PRRC2B: variants seen among roughly 807,000 people sequenced by gnomAD.
The protein encoded by PRRC2B is protein PRRC2B.
A neutral mutation model predicts 242.3 loss-of-function variants in PRRC2B; 68 were observed. The observed-to-expected ratio is 0.28, with a 90% confidence interval of 0.23 to 0.34. The LOEUF (loss-of-function observed/expected upper bound fraction) is 0.34, where lower values mean the gene tolerates loss of function less well. PRRC2B is among the 10% of genes least tolerant of loss of function. The pLI is 1.00. For missense variants in PRRC2B, 2,835 were observed against 2,954.8 expected (o/e 0.96, Z 0.94); for synonymous variants, 1,228 against 1,173.6 (o/e 1.05, Z -0.95).
chr9:131,480,745 C>G (rs888894006), intron 19 of PRRC2B, among the ~76,000 whole-genome samples: 1 of 152,024 alleles, frequency 6.6e-6, no homozygotes, highest in East Asian at 1.9e-4. Flanking sequence ...GCCCCCACCC[C>G]CTGCTAGCAT....
At chr9:131,490,541 C>T (rs761856754) in intron 28 of PRRC2B, 5 of 519,012 alleles carry the variant, frequency 9.6e-6, no homozygotes, top group Admixed American at 3.9e-5. Context: ...GACTCAATAG[C>T]AGGGAGATGA....
intron 9 of PRRC2B, among the ~76,000 whole-genome samples, chr9:131,451,934 A>G (rs958945668): frequency 2.6e-5 from 4 of 151,802 alleles, no homozygotes; most frequent in Admixed American, 1.3e-4. Flanking sequence ...CCTAGACTCA[A>G]TTTGTTAATA....
At chr9:131,414,728 C>T (rs1213447346) in intron 1 of PRRC2B, among the ~76,000 whole-genome samples, 4 of 151,896 alleles carry the variant, frequency 2.6e-5, no homozygotes, top group African/African-American at 4.8e-5. Flanking sequence ...TGCCACCACG[C>T]CCAACTGATT....
intron 2 of PRRC2B, among the ~76,000 whole-genome samples, chr9:131,430,536 TATAGATATCTATAG>T (rs1838117691): frequency 1.4e-5 from 2 of 143,250 alleles, no homozygotes; most frequent in Non-Finnish European, 3.1e-5. Flanking sequence ...GATATCTATC[TATAGATATCTATAG>T]GTGTGTGTGT....
chr9:131,492,955 C>T (rs933856990), intron 30 of PRRC2B, among the ~76,000 whole-genome samples: 1 of 152,174 alleles, frequency 6.6e-6, no homozygotes, highest in African/African-American at 2.4e-5. Flanking sequence ...CCTGAGACCC[C>T]TCTGTGTTTA....
chr9:131,460,400 T>C (rs1171387072), intron 11 of PRRC2B, among the ~76,000 whole-genome samples: 2 of 152,194 alleles, frequency 1.3e-5, no homozygotes, highest in Non-Finnish European at 2.9e-5. Flanking sequence ...TCATCATCTT[T>C]CTTGTGAAGA....
In PRRC2B at chr9:131,418,459, C is replaced by A. The variant is rs551522217; in HGVS notation, c.-51-11635C>A. On this transcript the variant is annotated intron_variant, in intron 1 of 31. Transcript: ENST00000683519. ...ACCAATCTTGGTTTTTTTTACCCCCCTGTGTTTTTTTCTGTGAGTCTCTGT... is the reference window on the plus strand; with the variant it reads ...ACCAATCTTGGTTTTTTTTACCCCCATGTGTTTTTTTCTGTGAGTCTCTGT... Among the ~76,000 whole-genome samples, 3 of 152,246 alleles carry A rather than the reference C, an allele frequency of 2.0e-5. No individual in the cohort carries two copies. The East Asian group carries it at 5.8e-4, about 29-fold the overall frequency.
rs1588278320 is a variant in PRRC2B, at chr9:131,482,253, C to A, written c.4984-118C>A. 1 of 1,158,430 alleles carries A rather than the reference C, an allele frequency of 8.6e-7. No homozygotes were observed. The highest frequency in any genetic ancestry group is 2.4e-5 in the East Asian group (1 of 41,772). The allele number at this position is 1,158,430 out of a possible 1,614,324, so 71.8% of individuals were successfully genotyped here. On this transcript the variant is annotated intron_variant, in intron 20 of 31. Transcript: ENST00000683519. This position sits in a 1 kb window ranked among gnomAD's most constrained non-coding sequence, Gnocchi z 5.2. ...AGCAGGGCAGGATCAAGATCAGGAC[C>A]AGACTTGGCAAGGGACAGGCAGCTG... is the stretch of plus-strand genomic sequence containing the variant.
At chr9:131,476,558 C>T (rs770871153) in intron 16 of PRRC2B, 23 bp downstream of exon 16, 16 of 1,550,136 alleles carry the variant, frequency 1.0e-5, no homozygotes, top group Non-Finnish European at 1.3e-5. Context: ...ACCATCTGGG[C>T]CCTTTTTGTT....
intron 2 of PRRC2B, 51 bp from the exon 3 acceptor site, chr9:131,432,566 C>T (rs1838213162): frequency 5.2e-6 from 8 of 1,548,478 alleles, no homozygotes; most frequent in Non-Finnish European, 7.0e-6. Context: ...AGGCTTCTTT[C>T]CTTCTGTGAC....
At chr9:131,438,913 A>C in intron 4 of PRRC2B, 76 bp from the exon 5 acceptor site, 1 of 1,166,178 alleles carries the variant, frequency 8.6e-7, no homozygotes, top group Non-Finnish European at 1.3e-6. Context: ...GCCTCTCAGC[A>C]CCTTGTTGTA....
In PRRC2B at chr9:131,446,609, C is replaced by T. The variant is rs369431283; in HGVS notation, c.822C>T (p.His274=). The T allele has an allele frequency of 2.3e-5, 37 of 1,613,834 alleles. No individual in the cohort carries two copies. In the African/African-American group the frequency reaches 4.4e-4, roughly 19 times the overall value. ...GASQFMGNVY[H]PPTYHDMLPA... is the part of the protein sequence containing the mutation. ...CACAGTTCATGGGAAATGTATACCA[C>T]CCACCTACATACCATGACATGCTTC... Residue 274 remains histidine (H), a synonymous_variant, in exon 7 of 32, where the codon CAC becomes CAT. Transcript: ENST00000683519. This position sits in a 1 kb window ranked among gnomAD's most constrained non-coding sequence, Gnocchi z 4.1.
chr9:131,394,688 C>T (rs1200562664), intron 1 of PRRC2B, among the ~76,000 whole-genome samples: 2 of 151,624 alleles, frequency 1.3e-5, no homozygotes, highest in Admixed American at 6.6e-5. Flanking sequence ...CCCCGCCCCG[C>T]CCAATTGACG....
At chr9:131,420,243 G>A (rs1390450721) in intron 1 of PRRC2B, among the ~76,000 whole-genome samples, 1 of 151,820 alleles carries the variant, frequency 6.6e-6, no homozygotes, top group Non-Finnish European at 1.5e-5. Context: ...TTATTTTCAG[G>A]CTGTTTATTC....
Position 131,494,626 on chromosome 9 carries a change from G to A in PRRC2B, c.6555+140G>A, listed in dbSNP as rs1455352814. The A allele has an allele frequency of 4.2e-5, 24 of 564,714 alleles. No individual in the cohort carries two copies. The highest frequency in any genetic ancestry group is 6.0e-5 in the Non-Finnish European group (19 of 318,824). 35.0% of individuals were successfully genotyped at this position (564,714 alleles called of 1,614,324 possible). ...GCCCTAGCGGTTAGAGCACAGAACC[G>A]GGAGCTGGGCCGCCCGCGTCCCTCC... On this transcript the variant is annotated intron_variant, in intron 31 of 31. Coordinates refer to ENST00000683519, the MANE Select transcript of PRRC2B (RefSeq NM_013318.4). This position sits in a 1 kb window ranked among gnomAD's most constrained non-coding sequence, Gnocchi z 4.3.
At position 131,487,408 on chromosome 9, in the gene PRRC2B, C is replaced by CGGGGTGGGGG; in HGVS notation, c.5984+118_5984+119insTGGGGGGGGG. 1 of 410,072 alleles carries CGGGGTGGGGG rather than the reference C, an allele frequency of 2.4e-6. No individual in the cohort carries two copies. Among genetic ancestry groups the CGGGGTGGGGG allele is most frequent in the African/African-American group, 2.1e-5 (1 of 46,888 alleles). The allele number at this position is 410,072 out of a possible 1,614,324, so 25.4% of individuals were successfully genotyped here. A position where few individuals can be genotyped will look rare whatever the true frequency, so the allele number is the denominator to read the frequency against. On this transcript the variant is annotated intron_variant, in intron 27 of 31. Transcript: ENST00000683519. This position sits in a 1 kb window ranked among gnomAD's most constrained non-coding sequence, Gnocchi z 5.3. The stretch of plus-strand genomic sequence containing the variant: ...CTTGTCTGCTTTGGGGCCAGTGGGG[C>CGGGGTGGGGG]GGGGAGGGGTGGGAGTTTGCTCTGA...
intron 11 of PRRC2B, among the ~76,000 whole-genome samples, chr9:131,464,098 T>C (rs1269970186): frequency 6.6e-6 from 1 of 152,060 alleles, no homozygotes; most frequent in African/African-American, 2.4e-5. Flanking sequence ...CACTCCGCCA[T>C]GCCCAGCTAA....
At chr9:131,436,852 A>G (rs1283318791) in intron 4 of PRRC2B, 130 bp downstream of exon 4, 1 of 685,546 alleles carries the variant, frequency 1.5e-6, no homozygotes, top group Admixed American at 2.9e-5. Flanking sequence ...CCAGAGGCAC[A>G]CCCGATGAGT....
intron 26 of PRRC2B, chr9:131,486,395 C>G (rs1944026000): frequency 1.4e-6 from 1 of 721,594 alleles, no homozygotes; most frequent in Non-Finnish European, 1.7e-6. Context: ...CTGCTCCAGA[C>G]TCTGCTTAGT....
Sources: gnomAD v4.1 joint callset for allele counts (sites outside exome capture counted in the v4.1 genomes callset) on GRCh38, gnomAD v4.1.1 for gene constraint, Gnocchi (gnomAD v3.1) non-coding constraint, MANE v1.5 for transcripts, NCBI Gene and HGNC (gene_info 2026-07-23, HGNC 2026-07-21) for gene names.